DLGAP2: variants seen among roughly 807,000 people sequenced by gnomAD.
DLGAP2 encodes the protein disks large-associated protein 2.
A neutral mutation model predicts 100.3 loss-of-function variants in DLGAP2; 26 were observed. The ratio of observed to expected loss-of-function variants is 0.26; its 90% confidence interval spans 0.19 to 0.36. The LOEUF (loss-of-function observed/expected upper bound fraction) is 0.36, where lower values mean the gene tolerates loss of function less well. Among genes scored for constraint, DLGAP2 ranks in the 10% least tolerant of loss-of-function variants. The pLI, the probability that DLGAP2 is intolerant of heterozygous loss-of-function variation, is 1.00. For missense variants in DLGAP2, 1,858 were observed against 1,453.2 expected, an observed-to-expected ratio of 1.28 and a Z score of -4.53; for synonymous variants, 886 against 630.1, an observed-to-expected ratio of 1.41 and a Z score of -6.08.
intron 2 of DLGAP2, among the ~76,000 whole-genome samples, chr8:1,146,326 G>A (rs1188118363): frequency 6.6e-6 from 1 of 152,176 alleles, no homozygotes; most frequent in Non-Finnish European, 1.5e-5. Flanking sequence ...TTTTCCTAGT[G>A]TGCTGTCTTT....
At chr8:1,449,513 C>G (rs1375370012) in intron 3 of DLGAP2, among the ~76,000 whole-genome samples, 1 of 152,170 alleles carries the variant, frequency 6.6e-6, no homozygotes, top group African/African-American at 2.4e-5. Flanking sequence ...CAGAGGCTCT[C>G]ACAGCCAAGC....
chr8:1,669,358 C>T (rs1798629385), intron 9 of DLGAP2, among the ~76,000 whole-genome samples: 1 of 152,232 alleles, frequency 6.6e-6, no homozygotes, highest in Admixed American at 6.5e-5. Context: ...CCACGCTGCA[C>T]CTCCCTCTGC....
At chr8:773,749 G>C (rs1563424587) in intron 1 of DLGAP2, among the ~76,000 whole-genome samples, 1 of 151,962 alleles carries the variant, frequency 6.6e-6, no homozygotes, top group Non-Finnish European at 1.5e-5. Context: ...GTCTATCATT[G>C]TTGGACATTT....
chr8:899,729 T>G (rs1798213235), intron 1 of DLGAP2, among the ~76,000 whole-genome samples: 1 of 152,214 alleles, frequency 6.6e-6, no homozygotes, highest in South Asian at 2.1e-4. Flanking sequence ...CTAGGTTGAA[T>G]TAGCTGGAAA....
At chr8:871,681 T>C (rs116711488) in intron 1 of DLGAP2, among the ~76,000 whole-genome samples, 11 of 152,126 alleles carry the variant, frequency 7.2e-5, no homozygotes, top group African/African-American at 2.7e-4. Flanking sequence ...CAGATAAGTA[T>C]AGTCCATATC....
At chr8:1,203,960 A>T (rs2116766893) in intron 2 of DLGAP2, among the ~76,000 whole-genome samples, 1 of 152,326 alleles carries the variant, frequency 6.6e-6, no homozygotes, top group African/African-American at 2.4e-5. Flanking sequence ...GTCAAAAAAT[A>T]GGTCACTTCC....
At chr8:1,038,322 A>C (rs1269951300) in intron 2 of DLGAP2, among the ~76,000 whole-genome samples, 1 of 152,174 alleles carries the variant, frequency 6.6e-6, no homozygotes, top group Non-Finnish European at 1.5e-5. Flanking sequence ...AATTATGGGC[A>C]ATTTGGTCCA....
chr8:1,253,998 G>A (rs1026154042), intron 2 of DLGAP2, among the ~76,000 whole-genome samples: 3 of 152,216 alleles, frequency 2.0e-5, no homozygotes, highest in Admixed American at 6.5e-5. Flanking sequence ...GGTTCGCGTT[G>A]GACGAGAGGT....
intron 3 of DLGAP2, among the ~76,000 whole-genome samples, chr8:1,370,447 G>A (rs1270976926): frequency 1.3e-5 from 2 of 152,168 alleles, no homozygotes; most frequent in African/African-American, 4.8e-5. Context: ...GGTGGAAAAT[G>A]AACTTAAAAT....
At chr8:1,288,635 G>A in intron 3 of DLGAP2, among the ~76,000 whole-genome samples, 1 of 143,086 alleles carries the variant, frequency 7.0e-6, no homozygotes. Context: ...TTTCATTTCA[G>A]TGTGTGTGTG....
chr8:1,380,954 A>AC (rs1315974643), intron 3 of DLGAP2: 1 of 150,468 alleles, frequency 6.6e-6, no homozygotes, highest in African/African-American at 2.4e-5. Flanking sequence ...AAAAAAAAAA[A>AC]AAAAAACACC....
intron 6 of DLGAP2, among the ~76,000 whole-genome samples, chr8:1,610,901 T>A (rs1469623268): frequency 9.0e-6 from 1 of 111,190 alleles, no homozygotes; most frequent in South Asian, 3.4e-4. Flanking sequence ...TAATCAATAG[T>A]TTACCAACCA....
At chr8:998,383 C>G (rs571465198) in intron 2 of DLGAP2, among the ~76,000 whole-genome samples, 15 of 152,176 alleles carry the variant, frequency 9.9e-5, no homozygotes, top group Non-Finnish European at 1.8e-4. Context: ...TCACTGCCGC[C>G]TTGAACTCCT....
At chr8:1,174,125 A>G (rs1383860535) in intron 2 of DLGAP2, among the ~76,000 whole-genome samples, 2 of 152,124 alleles carry the variant, frequency 1.3e-5, no homozygotes, top group East Asian at 3.9e-4. Flanking sequence ...GGCTTAGGGG[A>G]GATCTAAGTC....
At chr8:866,834 C>T (rs1797507296) in intron 1 of DLGAP2, among the ~76,000 whole-genome samples, 3 of 152,236 alleles carry the variant, frequency 2.0e-5, no homozygotes, top group Admixed American at 2.0e-4. Context: ...CTGGGCCTTT[C>T]CCGCTCCCTG....
intron 8 of DLGAP2, among the ~76,000 whole-genome samples, chr8:1,662,533 T>C (rs930963889): frequency 2.6e-5 from 4 of 152,178 alleles, no homozygotes; most frequent in African/African-American, 9.7e-5. Context: ...GCTATGTAAA[T>C]GGTCACAAAA....
chr8:1,478,162 C>T (rs1043125563), intron 3 of DLGAP2, among the ~76,000 whole-genome samples: 1 of 152,124 alleles, frequency 6.6e-6, no homozygotes, highest in Non-Finnish European at 1.5e-5. Context: ...GGTGTCTGTC[C>T]ACTCTCTTCC....
At chr8:1,189,329 G>A (rs187216269) in intron 2 of DLGAP2, among the ~76,000 whole-genome samples, 10 of 152,358 alleles carry the variant, frequency 6.6e-5, no homozygotes, top group Non-Finnish European at 1.0e-4. Context: ...GGAGCCCATC[G>A]TAGGAGTCAC....
chr8:1,429,896 C>A (rs1341101002), intron 3 of DLGAP2, among the ~76,000 whole-genome samples: 1 of 149,694 alleles, frequency 6.7e-6, no homozygotes. Context: ...AGCCGATGCT[C>A]AGAACCCATT....
Sources: allele counts gnomAD v4.1 joint callset (sites outside exome capture counted in the v4.1 genomes callset), GRCh38; gene constraint gnomAD v4.1.1; transcripts MANE v1.5; gene names NCBI Gene and HGNC (gene_info 2026-07-23, HGNC 2026-07-21).